The following CAB39 variants were observed in gnomAD, a reference collection of about 807,000 sequenced individuals.
CAB39 encodes the protein calcium-binding protein 39.
A neutral mutation model predicts 40.0 loss-of-function variants in CAB39; 8 were observed. The observed-to-expected ratio is 0.20, with a 90% CI of 0.12 to 0.36. The LOEUF (loss-of-function observed/expected upper bound fraction) is 0.36, where lower values mean the gene tolerates loss of function less well. Ranked by LOEUF, CAB39 falls within the 10% of genes least tolerant of loss-of-function variation. The pLI, the probability that CAB39 is intolerant of heterozygous loss-of-function variation, is 1.00. For synonymous variants in CAB39, 156 were observed against 141.6 expected, an observed-to-expected ratio of 1.10 and a Z score of -0.72; for missense variants, 270 against 401.1, an observed-to-expected ratio of 0.67 and a Z score of 2.79.
chr2:230,751,357 G>A (rs1326013864), intron 1 of CAB39, among the ~76,000 whole-genome samples: 9 of 152,214 alleles, frequency 5.9e-5, no homozygotes, highest in African/African-American at 2.2e-4. Context: ...CCAGAATGTT[G>A]TCTTGAGAGC....
At chr2:230,729,303 C>T (rs779785604) in intron 1 of CAB39, among the ~76,000 whole-genome samples, 1 of 152,060 alleles carries the variant, frequency 6.6e-6, no homozygotes, top group Non-Finnish European at 1.5e-5. Context: ...ACAAAGATGC[C>T]CAGTAACACT....
intron 1 of CAB39, among the ~76,000 whole-genome samples, chr2:230,714,829 A>C (rs1446911691): frequency 6.6e-6 from 1 of 152,176 alleles, no homozygotes; most frequent in Non-Finnish European, 1.5e-5. Flanking sequence ...CTGTATTCGA[A>C]ATCTAGAATA....
chr2:230,724,494 C>A (rs1291240539), intron 1 of CAB39, among the ~76,000 whole-genome samples: 4 of 151,808 alleles, frequency 2.6e-5, no homozygotes, highest in Admixed American at 2.6e-4. Context: ...CCAGCCTGAC[C>A]AACATGGAGA....
At chr2:230,791,620 A>G (rs1333656395) in intron 3 of CAB39, among the ~76,000 whole-genome samples, 2 of 152,202 alleles carry the variant, frequency 1.3e-5, no homozygotes, top group African/African-American at 2.4e-5. Context: ...TTGGGTATAT[A>G]GTCCTGCTTG....
At chr2:230,754,641 C>T (rs923648136) in intron 1 of CAB39, among the ~76,000 whole-genome samples, 5 of 152,192 alleles carry the variant, frequency 3.3e-5, no homozygotes, top group Non-Finnish European at 7.3e-5. Context: ...GCCTCAGTCC[C>T]CCTAGTAGCT....
chr2:230,752,289 C>T (rs1252965019), intron 1 of CAB39: 1 of 151,938 alleles, frequency 6.6e-6, no homozygotes, highest in East Asian at 1.9e-4. Flanking sequence ...ATGTCCCAAT[C>T]ATAGACAACC....
chr2:230,737,069 G>C (rs770109921), intron 1 of CAB39, among the ~76,000 whole-genome samples: 1 of 152,146 alleles, frequency 6.6e-6, no homozygotes, highest in Non-Finnish European at 1.5e-5. Context: ...AGTTGACTTG[G>C]AGTCCAGGTT....
At chr2:230,772,982 T>TAAAAAAAAA (rs10713369) in intron 2 of CAB39, among the ~76,000 whole-genome samples, 2 of 115,084 alleles carry the variant, frequency 1.7e-5, no homozygotes. Context: ...TACTCAGCAA[T>TAAAAAAAAA]AAAAAAAAAA....
At chr2:230,784,726 A>G (rs917076614) in intron 2 of CAB39, among the ~76,000 whole-genome samples, 1 of 152,144 alleles carries the variant, frequency 6.6e-6, no homozygotes, top group African/African-American at 2.4e-5. Context: ...TGGTGTCGGG[A>G]AAAAGAGAAA....
At chr2:230,743,981 A>G (rs1157027500) in intron 1 of CAB39, among the ~76,000 whole-genome samples, 1 of 146,824 alleles carries the variant, frequency 6.8e-6, no homozygotes, top group Non-Finnish European at 1.5e-5. Context: ...GTGCAATGGC[A>G]CGATCTCAGC....
chr2:230,784,597 G>T (rs1312347970), intron 2 of CAB39, among the ~76,000 whole-genome samples: 1 of 152,120 alleles, frequency 6.6e-6, no homozygotes, highest in Non-Finnish European at 1.5e-5. Flanking sequence ...GAGTTAGGAG[G>T]GAAAATAAGG....
At chr2:230,787,979 A>G (rs1695823083) in intron 2 of CAB39, among the ~76,000 whole-genome samples, 1 of 152,214 alleles carries the variant, frequency 6.6e-6, no homozygotes, top group Non-Finnish European at 1.5e-5. Flanking sequence ...ATTACTGGAC[A>G]CTGGAAATAT....
intron 2 of CAB39, among the ~76,000 whole-genome samples, chr2:230,770,440 A>G (rs1205811753): frequency 6.6e-6 from 1 of 152,226 alleles, no homozygotes; most frequent in Non-Finnish European, 1.5e-5. Context: ...TGATAGCCCT[A>G]TGTAGTTAAT....
At chr2:230,747,088 C>T (rs969544254) in intron 1 of CAB39, among the ~76,000 whole-genome samples, 8 of 152,088 alleles carry the variant, frequency 5.3e-5, no homozygotes, top group African/African-American at 1.9e-4. Context: ...AGTGGTAGCT[C>T]ATGCCTGTAA....
chr2:230,717,416 ACT>A (rs1280746732), intron 1 of CAB39, among the ~76,000 whole-genome samples: 1 of 152,146 alleles, frequency 6.6e-6, no homozygotes, highest in Non-Finnish European at 1.5e-5. Context: ...GCCCTTAGTG[ACT>A]TTCCGACCGG....
chr2:230,804,558 C>A (rs1696155249), intron 5 of CAB39, among the ~76,000 whole-genome samples: 2 of 152,060 alleles, frequency 1.3e-5, no homozygotes, highest in African/African-American at 2.4e-5. Context: ...AGAAAAAAAT[C>A]AAACAACCCC....
intron 1 of CAB39, among the ~76,000 whole-genome samples, chr2:230,714,934 A>T (rs1694322644): frequency 6.6e-6 from 1 of 152,204 alleles, no homozygotes; most frequent in Non-Finnish European, 1.5e-5. Flanking sequence ...CAGTTTAAAA[A>T]TTTTCTGCTT....
At chr2:230,777,748 A>T (rs958350785) in intron 2 of CAB39, among the ~76,000 whole-genome samples, 30 of 152,074 alleles carry the variant, frequency 2.0e-4, no homozygotes, top group Admixed American at 1.8e-3. Flanking sequence ...CTTCCATTTT[A>T]TGGGTACGTA....
intron 1 of CAB39, among the ~76,000 whole-genome samples, chr2:230,749,562 A>T (rs547008421): frequency 6.6e-6 from 1 of 152,232 alleles, no homozygotes; most frequent in African/African-American, 2.4e-5. Context: ...CTCTGCATGT[A>T]TAGATAAAGA....
Sources: allele counts gnomAD v4.1 joint callset (sites outside exome capture counted in the v4.1 genomes callset), GRCh38; gene constraint gnomAD v4.1.1; transcripts MANE v1.5; gene names NCBI Gene and HGNC (gene_info 2026-07-23, HGNC 2026-07-21).